Variants in TMEM87B observed in about 807,000 individuals in gnomAD.
The protein encoded by TMEM87B is transmembrane protein 87B.
In TMEM87B, 83 loss-of-function variants were observed where a neutral mutation model predicts 80.3. That is an observed-to-expected ratio of 1.03 (90% CI 0.87 to 1.24). The LOEUF (loss-of-function observed/expected upper bound fraction) is 1.24, where lower values mean the gene tolerates loss of function less well. TMEM87B is among the 50% of genes most tolerant of loss of function. TMEM87B has a pLI of 0.00. For missense variants in TMEM87B, 625 were observed against 674.4 expected, an observed-to-expected ratio of 0.93 and a Z score of 0.81; for synonymous variants, 219 against 230.5, an observed-to-expected ratio of 0.95 and a Z score of 0.45.
chr2:112,094,351 C>T (rs376738251), intron 11 of TMEM87B, among the ~76,000 whole-genome samples: 12 of 151,928 alleles, frequency 7.9e-5, no homozygotes, highest in East Asian at 1.9e-4. Flanking sequence ...TTAGTAGATA[C>T]GGGGTTTCAC....
intron 8 of TMEM87B, among the ~76,000 whole-genome samples, chr2:112,084,849 C>A (rs542102083): frequency 3.8e-4 from 58 of 152,312 alleles, no homozygotes; most frequent in South Asian, 1.2e-3. Flanking sequence ...GTAGGTAGAG[C>A]AATCTTGATA....
chr2:112,115,898 A>T (rs1216717278), intron 18 of TMEM87B, among the ~76,000 whole-genome samples, 186 bp from the exon 19 acceptor site: 1 of 152,166 alleles, frequency 6.6e-6, no homozygotes, highest in Non-Finnish European at 1.5e-5. Context: ...GGCCTCCCAA[A>T]GTGCTGAGAT....
chr2:112,118,581 C>A lies in TMEM87B; in HGVS notation c.*2438C>A, dbSNP rs1211823749. 1.3e-5 allele frequency: 2 copies of A among 152,004 alleles called. No homozygotes were observed. Among genetic ancestry groups the A allele is most frequent in the East Asian group, 3.8e-4 (2 of 5,198 alleles). 9.4% of individuals were successfully genotyped at this position (152,004 alleles called of 1,614,324 possible). On this transcript the variant is annotated 3_prime_UTR_variant, in exon 19 of 19. Transcript: ENST00000283206. The stretch of plus-strand genomic sequence containing the variant: ...GTATTTAAATATCTGCTTTAGATAG[C>A]AATTAATTTTATTGTAAAAATAAGG...
In TMEM87B at chr2:112,105,982, GT is replaced by G; in HGVS notation, c.1451-17del. On this transcript the variant is annotated intron_variant, in intron 15 of 18. Transcript: ENST00000283206. ...TATTATTTTGTGATTTTATATATATGTTTATAATGTCTCTCGTAGCCGAAGG... is the reference window on the plus strand; with the variant it reads ...TATTATTTTGTGATTTTATATATATGTTATAATGTCTCTCGTAGCCGAAGG... 6.6e-7 allele frequency: 1 copy of G among 1,519,854 alleles called. No individual in the cohort carries two copies. Among genetic ancestry groups the G allele is most frequent in the Admixed American group, 2.1e-5 (1 of 47,190 alleles). 94.1% of individuals were successfully genotyped at this position (1,519,854 alleles called of 1,614,324 possible).
At chr2:112,108,583 G>T (rs550447002) in intron 17 of TMEM87B, among the ~76,000 whole-genome samples, 22 of 152,154 alleles carry the variant, frequency 1.4e-4, no homozygotes, top group Admixed American at 5.2e-4. Context: ...ACACTTAAAA[G>T]GTTGGTCACT....
chr2:112,112,984 T>C, intron 18 of TMEM87B, 55 bp downstream of exon 18: 5 of 1,517,002 alleles, frequency 3.3e-6, no homozygotes, highest in South Asian at 2.3e-5. Context: ...AAAGTAGAGA[T>C]GTATTTCAGA....
intron 3 of TMEM87B, among the ~76,000 whole-genome samples, chr2:112,066,486 T>C (rs755350672): frequency 1.3e-5 from 2 of 152,222 alleles, no homozygotes; most frequent in Non-Finnish European, 2.9e-5. Flanking sequence ...GAACCTCAGG[T>C]AGTTGTGTAA....
chr2:112,092,585 G>T (rs1338214519), intron 11 of TMEM87B, among the ~76,000 whole-genome samples: 1 of 152,204 alleles, frequency 6.6e-6, no homozygotes, highest in Non-Finnish European at 1.5e-5. Context: ...TGCAGTGGTC[G>T]AAAGAAGAGA....
At chr2:112,089,307 A>G (rs1326424222) in intron 9 of TMEM87B, among the ~76,000 whole-genome samples, 2 of 152,244 alleles carry the variant, frequency 1.3e-5, no homozygotes, top group Admixed American at 1.3e-4. Context: ...GATTTCATCA[A>G]CCTACTCTTC....
In TMEM87B at chr2:112,074,892, T is replaced by C. The variant is rs1678761440; in HGVS notation, c.451-20T>C. The C allele has an allele frequency of 6.4e-7, 1 of 1,554,548 alleles. No homozygotes were observed. Among genetic ancestry groups the C allele is most frequent in the African/African-American group, 1.4e-5 (1 of 72,104 alleles). The stretch of plus-strand genomic sequence containing the variant: ...AGAAATGCAGCAGTATAAAATGGCA[T>C]TATTTACTCTTTTTTCCAGAATAAA... On this transcript the variant is annotated intron_variant, in intron 4 of 18. Coordinates refer to ENST00000283206, the MANE Select transcript of TMEM87B (RefSeq NM_032824.3).
intron 18 of TMEM87B, among the ~76,000 whole-genome samples, chr2:112,113,346 C>CATT (rs1189097056): frequency 6.6e-6 from 1 of 152,154 alleles, no homozygotes; most frequent in African/African-American, 2.4e-5. Flanking sequence ...ATCACTTGGA[C>CATT]ATTAAGTTGT....
intron 4 of TMEM87B, among the ~76,000 whole-genome samples, chr2:112,072,456 T>A (rs902164385): frequency 1.3e-5 from 2 of 152,184 alleles, no homozygotes; most frequent in African/African-American, 4.8e-5. Flanking sequence ...AGTTTCTTAT[T>A]GGTCTGTTCA....
Position 112,055,558 on chromosome 2 carries a change from G to T in TMEM87B, c.-34G>T. 6.8e-7 allele frequency: 1 copy of T among 1,465,964 alleles called. No individual in the cohort carries two copies. Among genetic ancestry groups the T allele is most frequent in the South Asian group, 1.4e-5 (1 of 73,618 alleles). 90.8% of individuals were successfully genotyped at this position (1,465,964 alleles called of 1,614,324 possible). ...TGCACCAGGTGCGGGTGTGGCAGGC[G>T]TCTCGGAGCGCCAGGTGCAGCTTCC... On this transcript the variant is annotated 5_prime_UTR_variant, in exon 1 of 19. Transcript: ENST00000283206.
chr2:112,088,314 A>G (rs925405416), intron 9 of TMEM87B, among the ~76,000 whole-genome samples: 7 of 152,226 alleles, frequency 4.6e-5, no homozygotes, highest in African/African-American at 1.7e-4. Context: ...TGTGAAAGGA[A>G]TAGAAGATTA....
chr2:112,066,614 C>A (rs1678444905), intron 3 of TMEM87B, among the ~76,000 whole-genome samples: 1 of 152,206 alleles, frequency 6.6e-6, no homozygotes, highest in Admixed American at 6.5e-5. Context: ...GGATAAAATA[C>A]AAGTAGCCCC....
chr2:112,055,407 C>G lies in TMEM87B; in HGVS notation c.-185C>G, dbSNP rs767352509. ...GCTCAGAGCCCTAAGCCCTGCCTCC[C>G]GGTCCTGGCCGGGTTTCCCAGAACT... On this transcript the variant is annotated 5_prime_UTR_variant, in exon 1 of 19. Transcript: ENST00000283206. The G allele has an allele frequency of 1.6e-6, 1 of 639,560 alleles. No homozygotes were observed. Among genetic ancestry groups the G allele is most frequent in the Non-Finnish European group, 2.5e-6 (1 of 404,038 alleles). The allele number at this position is 639,560 out of a possible 1,614,324, so 39.6% of individuals were successfully genotyped here.
chr2:112,101,851 C>A (rs909484646), intron 15 of TMEM87B, among the ~76,000 whole-genome samples: 2 of 152,028 alleles, frequency 1.3e-5, no homozygotes, highest in Non-Finnish European at 2.9e-5. Flanking sequence ...ATATTATGAA[C>A]AATTTTATGG....
At chr2:112,065,478 C>A (rs60891800) in intron 3 of TMEM87B, among the ~76,000 whole-genome samples, 1 of 151,762 alleles carries the variant, frequency 6.6e-6, no homozygotes, top group Admixed American at 6.6e-5. Flanking sequence ...GACCCTGTCT[C>A]TACAAAAAAT....
At chr2:112,099,525 C>CATATATATATATATATATATATAT (rs778514391) in intron 14 of TMEM87B, among the ~76,000 whole-genome samples, 4 of 122,816 alleles carry the variant, frequency 3.3e-5, no homozygotes, top group South Asian at 2.7e-4. Context: ...TACAATAATA[C>CATATATATATATATATATATATAT]ATATATATAT....
Sources: gnomAD v4.1 joint callset for allele counts (sites outside exome capture counted in the v4.1 genomes callset) on GRCh38, gnomAD v4.1.1 for gene constraint, MANE v1.5 for transcripts, NCBI Gene and HGNC (gene_info 2026-07-23, HGNC 2026-07-21) for gene names.